TERT: variants seen among roughly 807,000 people sequenced by gnomAD.
The protein encoded by TERT is telomerase reverse transcriptase, also known as telomerase catalytic subunit.
A neutral mutation model predicts 104.0 loss-of-function variants in TERT; 42 were observed. That is an observed-to-expected ratio of 0.40 (90% CI 0.32 to 0.52). The LOEUF is 0.52. Among genes scored for constraint, TERT ranks in the 20% least tolerant of loss-of-function variants. The pLI is 0.43. For missense variants in TERT, 1,101 were observed against 1,610.3 expected (o/e 0.68, Z 5.41); for synonymous variants, 781 against 725.6 (o/e 1.08, Z -1.23).
intron 11 of TERT, 196 bp downstream of exon 11, chr5:1,264,208 G>A (rs941540422): frequency 4.7e-5 from 29 of 621,286 alleles, no homozygotes; most frequent in African/African-American, 1.3e-4. Context: ...AACTGCTCCC[G>A]TTGTGAGCAC....
At chr5:1,289,029 G>A (rs186034992) in intron 2 of TERT, among the ~76,000 whole-genome samples, 2 of 152,310 alleles carry the variant, frequency 1.3e-5, no homozygotes, top group Non-Finnish European at 2.9e-5. Context: ...GCTATAGAAA[G>A]AGCAAACATT....
chr5:1,260,546 A>G lies in TERT; in HGVS notation c.2898T>C (p.Ala966=). 6.2e-7 allele frequency: 1 copy of G among 1,614,160 alleles called. No homozygotes were observed. The part of the protein sequence containing the change: ...ASLTFNRGFK[A]GRNMRRKLFG... ...AGAGTTTGCGACGCATGTTCCTCCC[A>G]GCCTTGAAGCCGCGGTTGAAGGTGA... Residue 966 remains alanine (A), a synonymous_variant, in exon 12 of 16, where the codon GCT becomes GCC. Coordinates refer to ENST00000310581, the MANE Select transcript of TERT (RefSeq NM_198253.3).
intron 3 of TERT, among the ~76,000 whole-genome samples, chr5:1,280,982 G>T (rs570536070): frequency 2.5e-4 from 38 of 152,320 alleles, no homozygotes; most frequent in African/African-American, 7.0e-4. Flanking sequence ...TCCGGAGCTG[G>T]TGCCCTGACC....
In TERT at chr5:1,279,405, G is replaced by A. The variant is rs1283231300; in HGVS notation, c.2016C>T (p.Arg672=). 7.1e-6 allele frequency: 11 copies of A among 1,553,956 alleles called. No individual in the cohort carries two copies. In the East Asian group the frequency reaches 1.7e-4, roughly 24 times the overall value. ...FSVLNYERAR[R]PGLLGASVLG... ...GCACAGAGGCGCCCAGGAGGCCGGGGCGCCGCGCCCGCTCGTAGTTGAGCA... is the reference window on the plus strand; with the variant it reads ...GCACAGAGGCGCCCAGGAGGCCGGGACGCCGCGCCCGCTCGTAGTTGAGCA... Residue 672 remains arginine (R), a synonymous_variant, in exon 5 of 16, where the codon CGC becomes CGT. Transcript: ENST00000310581.
chr5:1,294,938 A>G lies in TERT; in HGVS notation c.52T>C (p.Tyr18His), dbSNP rs2126692659. The change falls in exon 1 of 16, where the codon TAC (tyrosine) becomes CAC (histidine). Residue 18 changes from tyrosine to histidine, a missense_variant. Physicochemically the swap from Tyr to His is moderately conservative, Grantham distance 83. Transcript: ENST00000310581. ...RAVRSLLRSH[Y>H]REVLPLATFV... ...GTGGCCAGCGGCAGCACCTCGCGGT[A>G]GTGGCTGCGCAGCAGGGAGCGCACG... 7.1e-7 allele frequency: 1 copy of G among 1,416,314 alleles called. No homozygotes were observed. The highest frequency in any genetic ancestry group is 9.2e-7 in the Non-Finnish European group (1 of 1,089,426). The allele number at this position is 1,416,314 out of a possible 1,614,324, so 87.7% of individuals were successfully genotyped here.
In TERT at chr5:1,288,871, G is replaced by A. The variant is rs1750654932; in HGVS notation, c.1573+4442C>T. Among the ~76,000 whole-genome samples the A allele has an allele frequency of 6.6e-6, 1 of 152,196 alleles. No homozygotes were observed. The highest frequency in any genetic ancestry group is 6.5e-5 in the Admixed American group (1 of 15,286). ...CTGTGGCTGCAGTGCCTGGCACGCGGGAGGCGAGAGCCTGCAGTCCCGTGT... is the reference window on the plus strand; with the variant it reads ...CTGTGGCTGCAGTGCCTGGCACGCGAGAGGCGAGAGCCTGCAGTCCCGTGT... On this transcript the variant is annotated intron_variant, in intron 2 of 15. Coordinates refer to ENST00000310581, the MANE Select transcript of TERT (RefSeq NM_198253.3). The surrounding 1 kb of genome is among the most constrained non-coding windows in gnomAD (Gnocchi z 5.3).
Position 1,274,613 on chromosome 5 carries a change from G to A in TERT, c.2287-2333C>T, listed in dbSNP as rs548721631. 2.6e-5 allele frequency among the ~76,000 whole-genome samples: 4 copies of A among 152,300 alleles called. No homozygotes were observed. Among genetic ancestry groups the A allele is most frequent in the East Asian group, 1.9e-4 (1 of 5,168 alleles). On this transcript the variant is annotated intron_variant, in intron 6 of 15. Coordinates refer to ENST00000310581, the MANE Select transcript of TERT (RefSeq NM_198253.3). This position sits in a 1 kb window ranked among gnomAD's most constrained non-coding sequence, Gnocchi z 5.3. Reference sequence around the variant, plus strand: ...GCACAGTTCTCAGTAGGGTGTGTGCGCCTCTGAGCACCGCATGCCACTGCT... The same window carrying A: ...GCACAGTTCTCAGTAGGGTGTGTGCACCTCTGAGCACCGCATGCCACTGCT...
In TERT at chr5:1,255,024, GGA is replaced by G. The variant is rs1310637920; in HGVS notation, c.3157+261_3157+262del. Among the ~76,000 whole-genome samples the G allele has an allele frequency of 1.3e-5, 2 of 152,162 alleles. No individual in the cohort carries two copies. Among genetic ancestry groups the G allele is most frequent in the Non-Finnish European group, 2.9e-5 (2 of 68,018 alleles). On this transcript the variant is annotated intron_variant, in intron 14 of 15. Transcript: ENST00000310581. This position sits in a 1 kb window ranked among gnomAD's most constrained non-coding sequence, Gnocchi z 6.9. The stretch of plus-strand genomic sequence containing the variant: ...CCCAAATCCCACCATGGGGCAAACA[GGA>G]GAGACCAGGCCCCCCAGCGCTTCCC...
chr5:1,290,991 G>A (rs370414776), intron 2 of TERT, among the ~76,000 whole-genome samples: 104 of 82,022 alleles, frequency 1.3e-3, no homozygotes, highest in South Asian at 2.4e-3. Context: ...CACTCACCCT[G>A]CACGGGACAG....
At position 1,268,379 on chromosome 5, in the gene TERT, T is replaced by C; in HGVS notation, c.2582+141A>G. ...GTGCAACCCCTCCCGTGCGGCTTCA[T>C]ACCAAGAAGGGGCTGCAACCTTGTC... is the stretch of plus-strand genomic sequence containing the variant. On this transcript the variant is annotated intron_variant, in intron 9 of 15. Coordinates refer to ENST00000310581, the MANE Select transcript of TERT (RefSeq NM_198253.3). The surrounding 1 kb of genome is among the most constrained non-coding windows in gnomAD (Gnocchi z 5.5). 1.4e-6 allele frequency: 1 copy of C among 702,318 alleles called. No individual in the cohort carries two copies. Among genetic ancestry groups the C allele is most frequent in the South Asian group, 1.8e-5 (1 of 56,928 alleles). 43.5% of individuals were successfully genotyped at this position (702,318 alleles called of 1,614,324 possible).
chr5:1,260,610 A>AG lies in TERT; in HGVS notation c.2844-11dup, dbSNP rs1491484726. On this transcript the variant is annotated splice_polypyrimidine_tract_variant and intron_variant, in intron 11 of 15. Coordinates refer to ENST00000310581, the MANE Select transcript of TERT (RefSeq NM_198253.3). ...GGAGGTCCGGGCATAGCTGAGACAC[A>AG]GGGGGGAATGTCAGACACAGGTGCC... The AG allele has an allele frequency of 1.2e-6, 2 of 1,613,352 alleles. No individual in the cohort carries two copies. The highest frequency in any genetic ancestry group is 1.7e-6 in the Non-Finnish European group (2 of 1,179,728).
At position 1,287,080 on chromosome 5, in the gene TERT, C is replaced by T. The variant is rs1386165890; in HGVS notation, c.1574-4456G>A. On this transcript the variant is annotated intron_variant, in intron 2 of 15. Transcript: ENST00000310581. This position sits in a 1 kb window ranked among gnomAD's most constrained non-coding sequence, Gnocchi z 4.3. The stretch of plus-strand genomic sequence containing the variant: ...AAGTGGAGAATCAGAGTGCACCAGG[C>T]GGGTCTCTAGTGACAAAAAAATGAA... Among the ~76,000 whole-genome samples, 3 of 152,054 alleles carry T rather than the reference C, an allele frequency of 2.0e-5. No homozygotes were observed. The highest frequency in any genetic ancestry group is 1.9e-4 in the East Asian group (1 of 5,200).
chr5:1,280,148 G>A lies in TERT; in HGVS notation c.1950+10C>T, dbSNP rs33948291. 0.012 allele frequency: 19,637 copies of A among 1,614,020 alleles called. 187 individuals carry two copies. Among genetic ancestry groups the A allele is most frequent in the African/African-American group, 0.025 (1,870 of 75,060 alleles). Reference sequence around the variant, plus strand: ...TGTTTAAAAAGGAAGTTAAACCAAAGCACAGCCACCCTCTTTTCTCTGCGG... The same window carrying A: ...TGTTTAAAAAGGAAGTTAAACCAAAACACAGCCACCCTCTTTTCTCTGCGG... On this transcript the variant is annotated intron_variant, in intron 4 of 15. Transcript: ENST00000310581.
Position 1,256,791 on chromosome 5 carries a change from G to A in TERT, c.3033-1380C>T, listed in dbSNP as rs34927774. On this transcript the variant is annotated intron_variant, in intron 13 of 15. Transcript: ENST00000310581. The surrounding 1 kb of genome is among the most constrained non-coding windows in gnomAD (Gnocchi z 7.0). Reference sequence around the variant, plus strand: ...CACGGCCACGCTCCTGACCCAGGAGGGAAACACCTAGCATGGGTGAGGGGC... The same window carrying A: ...CACGGCCACGCTCCTGACCCAGGAGAGAAACACCTAGCATGGGTGAGGGGC... Among the ~76,000 whole-genome samples the A allele has an allele frequency of 0.013, 2,016 of 152,346 alleles. 35 individuals are homozygous for A. Among genetic ancestry groups the A allele is most frequent in the African/African-American group, 0.045 (1,878 of 41,576 alleles).
In TERT at chr5:1,262,052, C is replaced by T. The variant is rs868844102; in HGVS notation, c.2844-1452G>A. Reference sequence around the variant, plus strand: ...GTTTCTCTGCAGTGAAAGCAATGCCCGTTGCCTCACTGGTTTCATCCGCCT... The same window carrying T: ...GTTTCTCTGCAGTGAAAGCAATGCCTGTTGCCTCACTGGTTTCATCCGCCT... On this transcript the variant is annotated intron_variant, in intron 11 of 15. Coordinates refer to ENST00000310581, the MANE Select transcript of TERT (RefSeq NM_198253.3). The surrounding 1 kb of genome is among the most constrained non-coding windows in gnomAD (Gnocchi z 5.6). Among the ~76,000 whole-genome samples the T allele has an allele frequency of 2.0e-4, 30 of 152,322 alleles. No individual in the cohort carries two copies. The highest frequency in any genetic ancestry group is 3.4e-3 in the Middle Eastern group (1 of 294).
In TERT at chr5:1,292,276, G is replaced by C. The variant is rs1751042950; in HGVS notation, c.1573+1037C>G. On this transcript the variant is annotated intron_variant, in intron 2 of 15. Coordinates refer to ENST00000310581, the MANE Select transcript of TERT (RefSeq NM_198253.3). The surrounding 1 kb of genome is among the most constrained non-coding windows in gnomAD (Gnocchi z 5.5). ...GGCCTGGGAGCACTGGGAGCCAAAA[G>C]GGGGCTGGAGCGGAGGTTCCTCAAC... Among the ~76,000 whole-genome samples, 1 of 152,108 alleles carries C rather than the reference G, an allele frequency of 6.6e-6. No homozygotes were observed. Among genetic ancestry groups the C allele is most frequent in the South Asian group, 2.1e-4 (1 of 4,812 alleles).
At position 1,293,781 on chromosome 5, in the gene TERT, T is replaced by G; in HGVS notation, c.1105A>C (p.Arg369=). ...RLVETIFLGS[R]PWMPGTPRRL... ...CGGGGAGTCCCTGGCATCCAGGGCC[T>G]GGAACCCAGAAAGATGGTCTCCACG... The change falls in exon 2 of 16, where the codon AGG becomes CGG. Residue 369 remains arginine (R), a synonymous_variant. Transcript: ENST00000310581. 6.4e-7 allele frequency: 1 copy of G among 1,553,532 alleles called. No individual in the cohort carries two copies. Among genetic ancestry groups the G allele is most frequent in the Non-Finnish European group, 8.7e-7 (1 of 1,148,622 alleles).
Position 1,262,222 on chromosome 5 carries a change from C to G in TERT, c.2844-1622G>C, listed in dbSNP as rs1366115372. Among the ~76,000 whole-genome samples the G allele has an allele frequency of 6.6e-6, 1 of 152,158 alleles. No individual in the cohort carries two copies. The highest frequency in any genetic ancestry group is 1.5e-5 in the Non-Finnish European group (1 of 68,030). ...TGCTCTGGTATATGCTGTAAAGACA[C>G]AACTTATTTGCTTCCAGTCAGTTTT... On this transcript the variant is annotated intron_variant, in intron 11 of 15. Transcript: ENST00000310581. This position sits in a 1 kb window ranked among gnomAD's most constrained non-coding sequence, Gnocchi z 5.6.
rs1200142930 is a variant in TERT at position 1,265,774 on chromosome 5, A to G, written c.2654+690T>C. Among the ~76,000 whole-genome samples the G allele has an allele frequency of 6.6e-6, 1 of 152,106 alleles. No homozygotes were observed. Among genetic ancestry groups the G allele is most frequent in the East Asian group, 1.9e-4 (1 of 5,154 alleles). On this transcript the variant is annotated intron_variant, in intron 10 of 15. Transcript: ENST00000310581. This position sits in a 1 kb window ranked among gnomAD's most constrained non-coding sequence, Gnocchi z 6.9. ...TCTGAGGGTTCCCTTTACAGCTTTC[A>G]AGGTTTCTCGTCCCTCGTCAAATCG... is the stretch of plus-strand genomic sequence containing the variant.
Sources: allele counts gnomAD v4.1 joint callset (sites outside exome capture counted in the v4.1 genomes callset), GRCh38; gene constraint gnomAD v4.1.1; non-coding constraint Gnocchi (gnomAD v3.1); transcripts MANE v1.5; gene names NCBI Gene and HGNC (gene_info 2026-07-23, HGNC 2026-07-21).